AFDN: variants seen among roughly 807,000 people sequenced by gnomAD.
AFDN encodes the protein afadin, adherens junction formation factor, also known as afadin.
A neutral mutation model predicts 216.6 loss-of-function variants in AFDN; 68 were observed. The ratio of observed to expected loss-of-function variants is 0.31; its 90% CI spans 0.26 to 0.38. The LOEUF (loss-of-function observed/expected upper bound fraction) is 0.38, where lower values mean the gene tolerates loss of function less well. Among genes scored for constraint, AFDN ranks in the 10% least tolerant of loss-of-function variants. AFDN has a pLI of 1.00. For missense variants in AFDN, 2,136 were observed against 2,342.0 expected, an observed-to-expected ratio of 0.91 and a Z score of 1.82; for synonymous variants, 868 against 853.7, an observed-to-expected ratio of 1.02 and a Z score of -0.29.
At chr6:167,872,026 G>C (rs1186169326) in intron 3 of AFDN, among the ~76,000 whole-genome samples, 188 bp from the exon 4 acceptor site, 4 of 152,150 alleles carry the variant, frequency 2.6e-5, no homozygotes, top group African/African-American at 4.8e-5. Context: ...AATTGATTTT[G>C]ATAAATACAC....
At chr6:167,886,939 C>T (rs895731420) in intron 6 of AFDN, among the ~76,000 whole-genome samples, 3 of 150,682 alleles carry the variant, frequency 2.0e-5, no homozygotes, top group Non-Finnish European at 4.4e-5. Flanking sequence ...CACTTGAACC[C>T]AGGAGGCGGA....
At chr6:167,915,596 G>A (rs1790955988) in intron 19 of AFDN, among the ~76,000 whole-genome samples, 163 bp downstream of exon 19, 1 of 152,184 alleles carries the variant, frequency 6.6e-6, no homozygotes, top group Non-Finnish European at 1.5e-5. Context: ...TTGGGCTGCG[G>A]TTACAAAGTA....
chr6:167,844,849 CTTT>C (rs67495555), intron 1 of AFDN, among the ~76,000 whole-genome samples: 2 of 127,714 alleles, frequency 1.6e-5, no homozygotes, highest in Non-Finnish European at 3.2e-5. Flanking sequence ...CTTTTCTTTT[CTTT>C]TTTTTTTTTT....
chr6:167,907,806 T>C (rs1006640507), intron 13 of AFDN, among the ~76,000 whole-genome samples: 54 of 152,218 alleles, frequency 3.5e-4, no homozygotes, highest in African/African-American at 1.3e-3. Context: ...GACATTGTTC[T>C]TGCCGATTTC....
intron 29 of AFDN, 46 bp downstream of exon 29, chr6:167,948,524 GAC>G (rs1795601551): frequency 6.5e-7 from 1 of 1,546,250 alleles, no homozygotes; most frequent in Admixed American, 1.7e-5. Flanking sequence ...TCTCAAGGAG[GAC>G]ACACTGAGTT....
intron 5 of AFDN, among the ~76,000 whole-genome samples, chr6:167,877,666 A>G (rs1442930326): frequency 6.6e-6 from 1 of 152,246 alleles, no homozygotes; most frequent in Admixed American, 6.5e-5. Flanking sequence ...TAGTTTTAAC[A>G]AATAACTTCC....
intron 16 of AFDN, chr6:167,913,757 A>G (rs771800072): frequency 2.6e-5 from 11 of 427,382 alleles, no homozygotes; most frequent in African/African-American, 4.0e-5. Context: ...TCAGTACTTG[A>G]TACTGAGTTG....
At chr6:167,838,182 T>G (rs963653068) in intron 1 of AFDN, among the ~76,000 whole-genome samples, 1 of 152,176 alleles carries the variant, frequency 6.6e-6, no homozygotes, top group African/African-American at 2.4e-5. Flanking sequence ...AGTGAAGAAG[T>G]CTTCATAGCT....
intron 23 of AFDN, among the ~76,000 whole-genome samples, chr6:167,930,431 C>T (rs548015944): frequency 6.6e-6 from 1 of 152,154 alleles, no homozygotes; most frequent in South Asian, 2.1e-4. Flanking sequence ...TGGTCATTAT[C>T]CATGGCTGTT....
At chr6:167,827,386 C>CGT (rs2128043741) in intron 1 of AFDN, 149 bp downstream of exon 1, 1 of 145,482 alleles carries the variant, frequency 6.9e-6, no homozygotes, top group African/African-American at 2.6e-5. Flanking sequence ...CTCCCCCAGG[C>CGT]CCACCGCGGG....
In AFDN at chr6:167,929,842, C is replaced by T. The variant is rs1424937448; in HGVS notation, c.3099+4751C>T. On this transcript the variant is annotated intron_variant, in intron 23 of 33. Transcript: ENST00000683244. ...GTTTTTGGTCTTTTCAAATACCTTCCACAGTGAATAATGTGTATAAATTGA... is the reference window on the plus strand; with the variant it reads ...GTTTTTGGTCTTTTCAAATACCTTCTACAGTGAATAATGTGTATAAATTGA... Among the ~76,000 whole-genome samples, 3 of 152,126 alleles carry T rather than the reference C, an allele frequency of 2.0e-5. No homozygotes were observed. In the East Asian group the frequency reaches 5.8e-4, roughly 29 times the overall value.
intron 15 of AFDN, chr6:167,912,208 A>G (rs969285739): frequency 1.3e-5 from 2 of 152,252 alleles, no homozygotes; most frequent in Non-Finnish European, 2.9e-5. Context: ...TCTACAGTTG[A>G]TAAAATTTTC....
chr6:167,854,612 A>G (rs551404542), intron 1 of AFDN, among the ~76,000 whole-genome samples: 1 of 151,994 alleles, frequency 6.6e-6, no homozygotes, highest in East Asian at 1.9e-4. Flanking sequence ...CTTAATGTAC[A>G]GTGTGATGTA....
chr6:167,838,437 A>G (rs1246606740), intron 1 of AFDN, among the ~76,000 whole-genome samples: 2 of 152,192 alleles, frequency 1.3e-5, no homozygotes, highest in Admixed American at 6.5e-5. Context: ...CAATTAAACA[A>G]TAAACAAAAT....
At chr6:167,947,729 TC>T in intron 27 of AFDN, 123 bp from the exon 28 acceptor site, 1 of 561,186 alleles carries the variant, frequency 1.8e-6, no homozygotes, top group South Asian at 2.8e-5. Flanking sequence ...TTTTTTTTTT[TC>T]ATCTCTGTGC....
At chr6:167,875,051 A>G (rs1410687012) in intron 4 of AFDN, among the ~76,000 whole-genome samples, 1 of 152,196 alleles carries the variant, frequency 6.6e-6, no homozygotes, top group Non-Finnish European at 1.5e-5. Context: ...TGAAATGTAT[A>G]ATCAATATAT....
chr6:167,880,612 A>G lies in AFDN; in HGVS notation c.897+95A>G, dbSNP rs567880610. 4.4e-5 allele frequency: 54 copies of G among 1,237,466 alleles called. No homozygotes were observed. The Middle Eastern group carries it at 5.6e-4, about 13-fold the overall frequency. The allele number at this position is 1,237,466 out of a possible 1,614,324, so 76.7% of individuals were successfully genotyped here. ...ATTAAACCTAGATTTTCAGCCTACC[A>G]TATCATTTAGAATCTGATAATTTAC... On this transcript the variant is annotated intron_variant, in intron 6 of 33. Coordinates refer to ENST00000683244, the MANE Select transcript of AFDN (RefSeq NM_001386888.1).
At chr6:167,917,875 AG>A (rs1791293122) in intron 20 of AFDN, among the ~76,000 whole-genome samples, 1 of 152,232 alleles carries the variant, frequency 6.6e-6, no homozygotes, top group Non-Finnish European at 1.5e-5. Context: ...GAAATATGTG[AG>A]AAAGAATGAA....
At chr6:167,835,578 A>G (rs552586001) in intron 1 of AFDN, among the ~76,000 whole-genome samples, 5 of 152,322 alleles carry the variant, frequency 3.3e-5, no homozygotes, top group Non-Finnish European at 7.4e-5. Context: ...TGTACCAAAG[A>G]CATTCTTAAG....
Sources: allele counts gnomAD v4.1 joint callset (sites outside exome capture counted in the v4.1 genomes callset), GRCh38; gene constraint gnomAD v4.1.1; transcripts MANE v1.5; gene names NCBI Gene and HGNC (gene_info 2026-07-23, HGNC 2026-07-21).